GALNT17: variants seen among roughly 807,000 people sequenced by gnomAD.
GALNT17 encodes polypeptide N-acetylgalactosaminyltransferase 17.
A neutral mutation model predicts 63.7 loss-of-function variants in GALNT17; 29 were observed. That is an observed-to-expected ratio of 0.46 (90% CI 0.34 to 0.62). The LOEUF is 0.62. GALNT17 is among the 20% of genes least tolerant of loss of function. The pLI, the probability that GALNT17 is intolerant of heterozygous loss-of-function variation, is 0.01. For synonymous variants in GALNT17, 305 were observed against 318.3 expected, an observed-to-expected ratio of 0.96 and a Z score of 0.45; for missense variants, 603 against 799.6, an observed-to-expected ratio of 0.75 and a Z score of 2.97.
At chr7:71,295,844 C>T (rs1473069966) in intron 1 of GALNT17, among the ~76,000 whole-genome samples, 1 of 152,020 alleles carries the variant, frequency 6.6e-6, no homozygotes, top group East Asian at 1.9e-4. Flanking sequence ...ATCTTCCTGC[C>T]TCAGCCTCTC....
intron 1 of GALNT17, among the ~76,000 whole-genome samples, chr7:71,167,045 C>CT (rs35735311): frequency 0.014 from 1,629 of 115,422 alleles, 14 homozygotes; most frequent in Non-Finnish European, 0.019. Context: ...TGGCTAAGTA[C>CT]TTTTTTTTTT....
chr7:71,451,239 C>A (rs1437449006), intron 5 of GALNT17, among the ~76,000 whole-genome samples: 2 of 152,076 alleles, frequency 1.3e-5, no homozygotes, highest in African/African-American at 4.8e-5. Flanking sequence ...TTCTAGTCCT[C>A]AAAAAATTGA....
chr7:71,511,602 C>G (rs1788357631), intron 5 of GALNT17, among the ~76,000 whole-genome samples: 1 of 152,192 alleles, frequency 6.6e-6, no homozygotes, highest in South Asian at 2.1e-4. Context: ...TGGGCCCTGT[C>G]ACTAGCACCC....
chr7:71,328,594 A>T (rs556586893), intron 1 of GALNT17, among the ~76,000 whole-genome samples: 2 of 151,450 alleles, frequency 1.3e-5, no homozygotes, highest in African/African-American at 4.9e-5. Context: ...ACTCTTATTT[A>T]TCTTTGCCAA....
At chr7:71,277,375 C>T (rs957625482) in intron 1 of GALNT17, among the ~76,000 whole-genome samples, 4 of 152,128 alleles carry the variant, frequency 2.6e-5, no homozygotes, top group African/African-American at 9.7e-5. Flanking sequence ...GTAGGAAAAC[C>T]ACCCGTTGGA....
intron 1 of GALNT17, among the ~76,000 whole-genome samples, chr7:71,179,609 C>G (rs925018842): frequency 4.0e-5 from 6 of 151,660 alleles, no homozygotes; most frequent in African/African-American, 1.5e-4. Flanking sequence ...ACATCCTAGG[C>G]TCTTGGTGAG....
Position 71,184,030 on chromosome 7 carries a change from C to T in GALNT17, c.238+50990C>T, listed in dbSNP as rs138514993. 8.5e-3 allele frequency among the ~76,000 whole-genome samples: 1,300 copies of T among 152,220 alleles called. 15 individuals carry two copies. The highest frequency in any genetic ancestry group is 0.015 in the Non-Finnish European group (1,035 of 68,012). On this transcript the variant is annotated intron_variant, in intron 1 of 10. Coordinates refer to ENST00000333538, the MANE Select transcript of GALNT17 (RefSeq NM_022479.3). The stretch of plus-strand genomic sequence containing the variant: ...TCCAGCACCTCCCTCAAAATACAAC[C>T]CTATTGGGAGATACGGTCGTTAACG...
intron 5 of GALNT17, among the ~76,000 whole-genome samples, chr7:71,516,714 G>A (rs906989550): frequency 4.6e-5 from 7 of 152,118 alleles, no homozygotes; most frequent in African/African-American, 1.7e-4. Context: ...TTCCAGAGCA[G>A]CTCTGCCTAC....
intron 2 of GALNT17, among the ~76,000 whole-genome samples, chr7:71,345,131 T>G (rs2527300): frequency 0.65 from 98,623 of 150,660 alleles, 32,839 homozygotes; most frequent in East Asian, 0.84. Context: ...CTGTTTTTTT[T>G]TTGTTGTTGT....
intron 5 of GALNT17, among the ~76,000 whole-genome samples, chr7:71,496,851 A>T: frequency 6.6e-6 from 1 of 152,004 alleles, no homozygotes; most frequent in Non-Finnish European, 1.5e-5. Flanking sequence ...AGGCAGGAGG[A>T]TTGCTCGAGG....
intron 6 of GALNT17, among the ~76,000 whole-genome samples, chr7:71,574,703 C>G (rs962146339): frequency 1.3e-5 from 2 of 152,252 alleles, no homozygotes; most frequent in East Asian, 3.9e-4. Flanking sequence ...AGTGAAAATT[C>G]TTGGGCCCCA....
At chr7:71,155,785 A>C (rs1788224066) in intron 1 of GALNT17, among the ~76,000 whole-genome samples, 1 of 151,832 alleles carries the variant, frequency 6.6e-6, no homozygotes, top group South Asian at 2.1e-4. Context: ...TAAGTACTGC[A>C]GACTTCTTTT....
chr7:71,414,921 C>A (rs1189813555), intron 3 of GALNT17, among the ~76,000 whole-genome samples: 1 of 152,186 alleles, frequency 6.6e-6, no homozygotes, highest in East Asian at 1.9e-4. Flanking sequence ...TAAGAATCCC[C>A]TCCCTGTTAG....
chr7:71,590,526 T>C (rs959043549), intron 6 of GALNT17, among the ~76,000 whole-genome samples: 5 of 152,200 alleles, frequency 3.3e-5, no homozygotes, highest in Admixed American at 2.0e-4. Context: ...GTTGGGACTT[T>C]AGTGATGTGG....
chr7:71,660,593 A>G (rs551282356), intron 6 of GALNT17, among the ~76,000 whole-genome samples: 1 of 152,156 alleles, frequency 6.6e-6, no homozygotes, highest in African/African-American at 2.4e-5. Flanking sequence ...GCTGGGTCTT[A>G]TGTGTGGTAG....
chr7:71,448,490 G>C (rs1034411721), intron 5 of GALNT17, among the ~76,000 whole-genome samples: 9 of 151,800 alleles, frequency 5.9e-5, no homozygotes, highest in Admixed American at 3.9e-4. Context: ...TCTTTTGTCT[G>C]TATTTCTGGG....
intron 1 of GALNT17, among the ~76,000 whole-genome samples, chr7:71,185,043 T>TCCCC (rs201731346): frequency 2.0e-5 from 2 of 100,512 alleles, no homozygotes; most frequent in African/African-American, 1.4e-4. Flanking sequence ...CTTCTCTTCC[T>TCCCC]CCCCCTCCTC....
intron 1 of GALNT17, among the ~76,000 whole-genome samples, chr7:71,308,838 G>A (rs1217223845): frequency 6.6e-6 from 1 of 151,708 alleles, no homozygotes; most frequent in Admixed American, 6.6e-5. Flanking sequence ...CTGCCTTTTG[G>A]GTTCAACGGA....
intron 5 of GALNT17, among the ~76,000 whole-genome samples, chr7:71,563,403 G>A (rs937340851): frequency 6.6e-6 from 1 of 152,062 alleles, no homozygotes; most frequent in South Asian, 2.1e-4. Context: ...TGCCACTCAC[G>A]AGGCAGGTGC....
Sources: allele counts gnomAD v4.1 joint callset (sites outside exome capture counted in the v4.1 genomes callset), GRCh38; gene constraint gnomAD v4.1.1; transcripts MANE v1.5; gene names NCBI Gene and HGNC (gene_info 2026-07-23, HGNC 2026-07-21).